DLG2: variants seen among roughly 807,000 people sequenced by gnomAD.
The protein encoded by DLG2 is disks large homolog 2.
In DLG2, 45 loss-of-function variants were observed where a neutral mutation model predicts 132.5. The ratio of observed to expected loss-of-function variants is 0.34; its 90% CI spans 0.27 to 0.44. The LOEUF (loss-of-function observed/expected upper bound fraction) is 0.44, where lower values mean the gene tolerates loss of function less well. Ranked by LOEUF, DLG2 falls within the 20% of genes least tolerant of loss-of-function variation. DLG2 has a pLI of 1.00. For missense variants in DLG2, 1,045 were observed against 1,196.9 expected (o/e 0.87, Z 1.87); for synonymous variants, 424 against 419.6 (o/e 1.01, Z -0.13).
intron 6 of DLG2, among the ~76,000 whole-genome samples, chr11:84,537,618 T>C (rs986612726): frequency 3.3e-5 from 5 of 152,340 alleles, no homozygotes; most frequent in African/African-American, 1.2e-4. Context: ...TTCATGTGCA[T>C]GTTCCCATAA....
chr11:85,001,899 T>C (rs1182841277), intron 6 of DLG2, among the ~76,000 whole-genome samples: 2 of 152,154 alleles, frequency 1.3e-5, no homozygotes, highest in Non-Finnish European at 2.9e-5. Context: ...ATGGGGTATA[T>C]GGGAAATCTA....
rs73511193 is a variant in DLG2, at chr11:84,644,302, T to C, written c.358-109571A>G. Among the ~76,000 whole-genome samples, 253 of 152,290 alleles carry C rather than the reference T, an allele frequency of 1.7e-3. 1 individual carries two copies. The highest frequency in any genetic ancestry group is 5.9e-3 in the African/African-American group (244 of 41,544). ...CATCTCCTAGTGTGAAAAATATTTC[T>C]TCACTTCCTCCAGCAATAAGAGATT... On this transcript the variant is annotated intron_variant, in intron 6 of 27. Transcript: ENST00000376104.
chr11:83,547,219 A>G (rs1309449375), intron 19 of DLG2, among the ~76,000 whole-genome samples: 3 of 152,112 alleles, frequency 2.0e-5, no homozygotes, highest in Non-Finnish European at 4.4e-5. Context: ...GAATAGGAAA[A>G]ATTATTTGAT....
At chr11:84,374,165 T>C (rs751093067) in intron 7 of DLG2, among the ~76,000 whole-genome samples, 27 of 152,182 alleles carry the variant, frequency 1.8e-4, no homozygotes, top group Non-Finnish European at 3.7e-4. Context: ...CCATTCCTTA[T>C]AGTCCTTCCT....
intron 3 of DLG2, among the ~76,000 whole-genome samples, chr11:85,489,710 A>C (rs539961462): frequency 6.6e-6 from 1 of 152,194 alleles, no homozygotes; most frequent in South Asian, 2.1e-4. Context: ...AAATCATATC[A>C]AGTATCTTCT....
chr11:84,662,566 C>A (rs182154626), intron 6 of DLG2, among the ~76,000 whole-genome samples: 1 of 151,920 alleles, frequency 6.6e-6, no homozygotes, highest in South Asian at 2.1e-4. Flanking sequence ...GGCAGATCCC[C>A]ACCTGAGGTT....
At chr11:84,574,041 T>C (rs1049611301) in intron 6 of DLG2, among the ~76,000 whole-genome samples, 1 of 152,140 alleles carries the variant, frequency 6.6e-6, no homozygotes, top group Non-Finnish European at 1.5e-5. Flanking sequence ...TTGTTCAGAA[T>C]CACACAGCAA....
chr11:85,503,420 T>C (rs1240190133), intron 3 of DLG2, among the ~76,000 whole-genome samples: 2 of 152,084 alleles, frequency 1.3e-5, no homozygotes, highest in Non-Finnish European at 2.9e-5. Flanking sequence ...AGTCTCCCTG[T>C]TTTCCCATAT....
intron 3 of DLG2, chr11:85,336,572 G>T: frequency 6.3e-6 from 1 of 159,430 alleles, no homozygotes; most frequent in South Asian, 1.8e-4. Flanking sequence ...TCTCCACCAT[G>T]ACTGGCATCA....
At chr11:85,114,910 C>A (rs981988090) in intron 5 of DLG2, among the ~76,000 whole-genome samples, 1 of 151,604 alleles carries the variant, frequency 6.6e-6, no homozygotes, top group Admixed American at 6.6e-5. Context: ...TACATTGAGC[C>A]CTTTCATCCC....
intron 7 of DLG2, among the ~76,000 whole-genome samples, chr11:84,422,523 A>G (rs1170957548): frequency 6.6e-6 from 1 of 152,176 alleles, no homozygotes; most frequent in Non-Finnish European, 1.5e-5. Flanking sequence ...AGATTTGCCA[A>G]TCAAAATTTA....
chr11:83,696,760 T>G (rs938410866), intron 18 of DLG2, among the ~76,000 whole-genome samples: 1 of 152,156 alleles, frequency 6.6e-6, no homozygotes, highest in Non-Finnish European at 1.5e-5. Context: ...GGGTCTGTCA[T>G]AGTAAGGAAA....
chr11:83,824,689 C>T (rs2153985951), intron 17 of DLG2, among the ~76,000 whole-genome samples: 1 of 151,922 alleles, frequency 6.6e-6, no homozygotes, highest in East Asian at 1.9e-4. Flanking sequence ...AATTATGAAC[C>T]TTTTTTATGA....
At chr11:85,427,671 C>T (rs1337752044) in intron 3 of DLG2, among the ~76,000 whole-genome samples, 1 of 152,222 alleles carries the variant, frequency 6.6e-6, no homozygotes, top group Non-Finnish European at 1.5e-5. Flanking sequence ...ACTGCAAAAA[C>T]ATGCCAAATG....
chr11:85,191,160 GCGCACACACA>G (rs1175770971), intron 4 of DLG2, among the ~76,000 whole-genome samples: 2 of 101,106 alleles, frequency 2.0e-5, no homozygotes, highest in East Asian at 2.7e-4. Flanking sequence ...GCGCGCACGC[GCGCACACACA>G]CACACACACA....
At chr11:85,465,189 G>T (rs913173406) in intron 3 of DLG2, among the ~76,000 whole-genome samples, 1 of 142,416 alleles carries the variant, frequency 7.0e-6, no homozygotes. Flanking sequence ...GTTACCCAGG[G>T]TTAATTGTCG....
intron 6 of DLG2, among the ~76,000 whole-genome samples, chr11:84,983,319 T>G (rs1337473831): frequency 6.6e-6 from 1 of 152,146 alleles, no homozygotes; most frequent in African/African-American, 2.4e-5. Context: ...CACAGGACTC[T>G]ATGTAGACAA....
At chr11:83,868,328 T>C (rs1419278763) in intron 16 of DLG2, among the ~76,000 whole-genome samples, 3 of 152,166 alleles carry the variant, frequency 2.0e-5, no homozygotes, top group African/African-American at 7.2e-5. Context: ...GACAGGTCTG[T>C]CTTTATTGGA....
chr11:85,517,833 G>A (rs1389795369), intron 3 of DLG2, among the ~76,000 whole-genome samples: 1 of 152,068 alleles, frequency 6.6e-6, no homozygotes, highest in Admixed American at 6.5e-5. Flanking sequence ...TGGACCCAGT[G>A]GGAGATAACT....
Sources: gnomAD v4.1 joint callset for allele counts (sites outside exome capture counted in the v4.1 genomes callset) on GRCh38, gnomAD v4.1.1 for gene constraint, MANE v1.5 for transcripts, NCBI Gene and HGNC (gene_info 2026-07-23, HGNC 2026-07-21) for gene names.